The following ARHGEF10 variants were observed in gnomAD, a reference collection of about 807,000 sequenced individuals.
ARHGEF10 encodes Rho guanine nucleotide exchange factor (GEF) 10.
Under a neutral mutation model 147.4 loss-of-function variants are expected in ARHGEF10, and 140 were observed. That is an observed-to-expected ratio of 0.95 (90% confidence interval 0.83 to 1.09). The LOEUF (loss-of-function observed/expected upper bound fraction) is 1.09, where lower values mean the gene tolerates loss of function less well. Among genes scored for constraint, ARHGEF10 ranks in the 50% least tolerant of loss-of-function variants. The pLI, the probability that ARHGEF10 is intolerant of heterozygous loss-of-function variation, is 0.00. For synonymous variants in ARHGEF10, 902 were observed against 695.8 expected (o/e 1.30, Z -4.67); for missense variants, 2,222 against 1,752.7 (o/e 1.27, Z -4.78).
chr8:1,864,596 G>A (rs1292693849), intron 5 of ARHGEF10, among the ~76,000 whole-genome samples, 160 bp downstream of exon 5: 1 of 152,208 alleles, frequency 6.6e-6, no homozygotes, highest in Non-Finnish European at 1.5e-5. Flanking sequence ...CCAGGCGAGT[G>A]TCCCTGGAAA....
At chr8:1,941,820 C>A (rs1005392615) in intron 26 of ARHGEF10, among the ~76,000 whole-genome samples, 8 of 152,182 alleles carry the variant, frequency 5.3e-5, no homozygotes, top group Non-Finnish European at 1.0e-4. Context: ...TAATTTTCAA[C>A]ACGGTGCCAA....
At position 1,894,564 on chromosome 8, in the gene ARHGEF10, G is replaced by C. The variant is rs767264178; in HGVS notation, c.1432G>C (p.Val478Leu). Residue 478 changes from valine (V) to leucine (L), a missense_variant, in exon 13 of 29, where the codon GTG (valine) becomes CTG (leucine). By Grantham distance (32) the Val-to-Leu change is conservative (BLOSUM62 1). Coordinates refer to ENST00000349830, the MANE Select transcript of ARHGEF10 (RefSeq NM_014629.4). ...CGTGGAAATGATAGGCGATGTCTTC[G>C]TGGCTTCGGTAATTAAGCTGGGACA... ...DSVEMIGDVF[V>L]ASFSKSMVLD... is the part of the protein sequence containing the mutation. The C allele has an allele frequency of 6.2e-7, 1 of 1,614,022 alleles. No homozygotes were observed. The highest frequency in any genetic ancestry group is 2.2e-5 in the East Asian group (1 of 44,872).
intron 1 of ARHGEF10, among the ~76,000 whole-genome samples, chr8:1,840,553 G>T (rs934851025): frequency 1.4e-5 from 2 of 147,792 alleles, no homozygotes; most frequent in Non-Finnish European, 3.0e-5. Context: ...CGGTGTGGAA[G>T]CTGTCTGATA....
Position 1,948,261 on chromosome 8 carries a change from C to G in ARHGEF10, c.3397+2606C>G, listed in dbSNP as rs1179098231. On this transcript the variant is annotated intron_variant, in intron 27 of 28. Coordinates refer to ENST00000349830, the MANE Select transcript of ARHGEF10 (RefSeq NM_014629.4). The surrounding 1 kb of genome is among the most constrained non-coding windows in gnomAD (Gnocchi z 4.9). The stretch of plus-strand genomic sequence containing the variant: ...CCATGGCCACAGTGCGTGCTCTCAG[C>G]CCCCTGCTCCGGGGGCCCCTGAATC... Among the ~76,000 whole-genome samples, 1 of 152,122 alleles carries G rather than the reference C, an allele frequency of 6.6e-6. No individual in the cohort carries two copies. Among genetic ancestry groups the G allele is most frequent in the African/African-American group, 2.4e-5 (1 of 41,420 alleles).
intron 18 of ARHGEF10, among the ~76,000 whole-genome samples, chr8:1,921,425 A>G (rs1812279783): frequency 6.6e-6 from 1 of 152,204 alleles, no homozygotes; most frequent in African/African-American, 2.4e-5. Flanking sequence ...CCTCAAAATT[A>G]TTAAGAATTT....
chr8:1,857,917 T>TCTAG (rs1237289282), intron 2 of ARHGEF10, 43 bp from the exon 3 acceptor site: 5 of 1,440,144 alleles, frequency 3.5e-6, no homozygotes, highest in Non-Finnish European at 4.9e-6. Context: ...TATCTATCTA[T>TCTAG]CTATCTATCT....
intron 26 of ARHGEF10, 55 bp from the exon 27 acceptor site, chr8:1,945,426 G>A: frequency 1.3e-6 from 2 of 1,551,572 alleles, no homozygotes; most frequent in Non-Finnish European, 1.7e-6. Flanking sequence ...GACCCAACAG[G>A]CCCCACTCAG....
At chr8:1,890,934 A>T (rs1254584151) in intron 11 of ARHGEF10, among the ~76,000 whole-genome samples, 1 of 152,200 alleles carries the variant, frequency 6.6e-6, no homozygotes, top group Admixed American at 6.5e-5. Context: ...TTCCCAAATT[A>T]GTCTCACAGA....
At chr8:1,940,272 AG>A (rs1274120240) in intron 26 of ARHGEF10, among the ~76,000 whole-genome samples, 1 of 152,174 alleles carries the variant, frequency 6.6e-6, no homozygotes, top group Admixed American at 6.5e-5. Context: ...ACAGTTTTCC[AG>A]GGAGTAATTT....
At chr8:1,922,186 A>G (rs1328012218) in intron 18 of ARHGEF10, among the ~76,000 whole-genome samples, 3 of 151,692 alleles carry the variant, frequency 2.0e-5, no homozygotes, top group Non-Finnish European at 4.4e-5. Context: ...GGGTAGAGCA[A>G]TTCTCACTTG....
intron 27 of ARHGEF10, chr8:1,945,984 C>T (rs1814557194): frequency 4.3e-6 from 2 of 469,526 alleles, no homozygotes; most frequent in African/African-American, 2.0e-5. Context: ...GCAACAAGGC[C>T]CTGGGGAAGC....
At chr8:1,867,603 C>T (rs907619349) in intron 6 of ARHGEF10, among the ~76,000 whole-genome samples, 9 of 152,200 alleles carry the variant, frequency 5.9e-5, no homozygotes, top group African/African-American at 2.2e-4. Flanking sequence ...CATTCTTTCT[C>T]CCTTTAAGTT....
At chr8:1,843,471 G>T in intron 2 of ARHGEF10, 35 bp downstream of exon 2, 1 of 1,537,938 alleles carries the variant, frequency 6.5e-7, no homozygotes, top group Non-Finnish European at 9.0e-7. Context: ...TGTGGGTCAG[G>T]TTGTGCTGCT....
chr8:1,843,937 T>C (rs1286808544), intron 2 of ARHGEF10, among the ~76,000 whole-genome samples: 1 of 152,228 alleles, frequency 6.6e-6, no homozygotes, highest in East Asian at 1.9e-4. Flanking sequence ...TTTATCTTCA[T>C]TGTCACCTCA....
chr8:1,903,592 G>A (rs1810657055), intron 16 of ARHGEF10, 141 bp downstream of exon 16: 3 of 1,057,106 alleles, frequency 2.8e-6, no homozygotes, highest in Non-Finnish European at 4.2e-6. Context: ...GGTGGATGGA[G>A]GCCTTCGGGA....
chr8:1,945,665 C>CGG lies in ARHGEF10; in HGVS notation c.3397+12_3397+13dup. The CGG allele has an allele frequency of 6.2e-7, 1 of 1,613,910 alleles. No homozygotes were observed. Among genetic ancestry groups the CGG allele is most frequent in the Non-Finnish European group, 8.5e-7 (1 of 1,179,934 alleles). On this transcript the variant is annotated intron_variant, in intron 27 of 28. Transcript: ENST00000349830. ...CACAACATGCTGCCAGGTAAGGGGA[C>CGG]GGGACGGGGCCCAGGGATGGGACAG...
At chr8:1,902,392 G>A (rs529515479) in intron 15 of ARHGEF10, among the ~76,000 whole-genome samples, 1 of 152,208 alleles carries the variant, frequency 6.6e-6, no homozygotes, top group Non-Finnish European at 1.5e-5. Flanking sequence ...ATTGGCAGCA[G>A]TGCGTCATTT....
At chr8:1,845,709 C>G (rs1330437984) in intron 2 of ARHGEF10, among the ~76,000 whole-genome samples, 2 of 152,236 alleles carry the variant, frequency 1.3e-5, no homozygotes, top group Non-Finnish European at 2.9e-5. Flanking sequence ...CCCTGAGGAG[C>G]TCTGCCCAGC....
intron 6 of ARHGEF10, among the ~76,000 whole-genome samples, chr8:1,868,856 C>CA: frequency 6.6e-6 from 1 of 152,186 alleles, no homozygotes; most frequent in East Asian, 1.9e-4. Flanking sequence ...TAATTGAACA[C>CA]AAAATCATAG....
Sources: gnomAD v4.1 joint callset for allele counts (sites outside exome capture counted in the v4.1 genomes callset) on GRCh38, gnomAD v4.1.1 for gene constraint, Gnocchi (gnomAD v3.1) non-coding constraint, MANE v1.5 for transcripts, NCBI Gene and HGNC (gene_info 2026-07-23, HGNC 2026-07-21) for gene names.